The following CMSS1 variants were observed in gnomAD, a reference collection of about 807,000 sequenced individuals.
CMSS1 encodes the protein cms1 ribosomal small subunit homolog, also known as protein CMSS1.
CMSS1 carries 33 observed loss-of-function variants against 43.5 expected under a neutral mutation model. That is an observed-to-expected ratio of 0.76 (90% confidence interval 0.57 to 1.01). The LOEUF (loss-of-function observed/expected upper bound fraction) is 1.01. CMSS1 is among the 50% of genes least tolerant of loss of function. CMSS1 has a pLI of 0.00. For synonymous variants in CMSS1, 115 were observed against 117.2 expected (o/e 0.98, Z 0.12); for missense variants, 313 against 326.4 (o/e 0.96, Z 0.32).
intron 1 of CMSS1, chr3:99,931,165 G>A (rs1482977349): frequency 4.3e-5 from 30 of 689,918 alleles, no homozygotes; most frequent in Non-Finnish European, 6.1e-5. Flanking sequence ...GATGTCTACA[G>A]CAGAGAAGGA....
chr3:99,843,922 G>A (rs1394967637), intron 1 of CMSS1, among the ~76,000 whole-genome samples: 1 of 152,194 alleles, frequency 6.6e-6, no homozygotes, highest in East Asian at 1.9e-4. Context: ...TCTAGGCTGA[G>A]CACTCTTTAT....
intron 1 of CMSS1, among the ~76,000 whole-genome samples, chr3:100,085,686 G>A (rs1037137993): frequency 4.6e-5 from 7 of 152,146 alleles, no homozygotes; most frequent in Admixed American, 4.6e-4. Context: ...AAATGTTTCT[G>A]AAGTACTCTT....
intron 1 of CMSS1, among the ~76,000 whole-genome samples, chr3:99,922,197 G>A (rs1707147509): frequency 6.6e-6 from 1 of 152,260 alleles, no homozygotes; most frequent in South Asian, 2.1e-4. Context: ...ATGAAAGAAA[G>A]TGTCTGTGTT....
At chr3:99,892,880 C>G (rs1200997423) in intron 1 of CMSS1, among the ~76,000 whole-genome samples, 2 of 152,150 alleles carry the variant, frequency 1.3e-5, no homozygotes, top group Admixed American at 6.5e-5. Context: ...ATGGATTATT[C>G]TAAGTTATCT....
chr3:100,166,997 C>T (rs2067071510), intron 5 of CMSS1, among the ~76,000 whole-genome samples: 1 of 152,124 alleles, frequency 6.6e-6, no homozygotes, highest in Non-Finnish European at 1.5e-5. Context: ...ATCCTCCCCA[C>T]TCAGCCTCCC....
intron 1 of CMSS1, among the ~76,000 whole-genome samples, chr3:100,123,033 A>G (rs1465564770): frequency 1.3e-5 from 2 of 152,230 alleles, no homozygotes; most frequent in East Asian, 3.8e-4. Context: ...AGCAGATGGT[A>G]TTGGTCCCTC....
intron 1 of CMSS1, among the ~76,000 whole-genome samples, chr3:99,872,917 CTTTT>C (rs74418095): frequency 4.2e-5 from 6 of 143,544 alleles, no homozygotes; most frequent in African/African-American, 1.5e-4. Context: ...AATCTCAAGT[CTTTT>C]TTTTTTTTTA....
chr3:100,036,405 G>A (rs1282585459), intron 1 of CMSS1, among the ~76,000 whole-genome samples: 1 of 152,184 alleles, frequency 6.6e-6, no homozygotes, highest in Non-Finnish European at 1.5e-5. Context: ...ACCAGAGTTG[G>A]CTTGAAAGGA....
Position 100,162,428 on chromosome 3 carries a change from G to C in CMSS1, c.351G>C (p.Leu117=). Reference sequence around the variant, plus strand: ...TGATTGAATTAGAAGAACTGAACCTGCCAGGTATAGCCAAGCTTCAATTTT... The same window carrying C: ...TGATTGAATTAGAAGAACTGAACCTCCCAGGTATAGCCAAGCTTCAATTTT... ...RLVIELEELN[L]PDSCFLKAND... Residue 117 remains leucine (L), a synonymous_variant, in exon 4 of 10, where the codon CTG becomes CTC. Coordinates refer to ENST00000421999, the MANE Select transcript of CMSS1 (RefSeq NM_032359.4). 6.2e-7 allele frequency: 1 copy of C among 1,607,156 alleles called. No individual in the cohort carries two copies. The highest frequency in any genetic ancestry group is 8.5e-7 in the Non-Finnish European group (1 of 1,177,246).
intron 1 of CMSS1, among the ~76,000 whole-genome samples, chr3:100,084,317 T>C (rs1164745134): frequency 6.6e-6 from 1 of 152,206 alleles, no homozygotes; most frequent in Non-Finnish European, 1.5e-5. Context: ...GAGGGGTTTT[T>C]CATGCTACCC....
chr3:100,165,375 T>C (rs2067057757), intron 4 of CMSS1, among the ~76,000 whole-genome samples: 1 of 152,182 alleles, frequency 6.6e-6, no homozygotes. Context: ...TTTTGAGACA[T>C]TATTCTCATT....
intron 1 of CMSS1, among the ~76,000 whole-genome samples, chr3:99,827,690 C>T (rs1247454309): frequency 3.3e-5 from 5 of 152,066 alleles, no homozygotes; most frequent in South Asian, 2.1e-4. Flanking sequence ...CTGCAACCTC[C>T]GCCTCCCAGG....
At position 100,075,901 on chromosome 3, in the gene CMSS1, G is replaced by A. The variant is rs143764351; in HGVS notation, c.65-71072G>A. Among the ~76,000 whole-genome samples, 849 of 152,230 alleles carry A rather than the reference G, an allele frequency of 5.6e-3. 4 individuals carry two copies. The highest frequency in any genetic ancestry group is 0.02 in the African/African-American group (817 of 41,546). On this transcript the variant is annotated intron_variant, in intron 1 of 9. Coordinates refer to ENST00000421999, the MANE Select transcript of CMSS1 (RefSeq NM_032359.4). ...TAATCCTTCTGGGGTATTAGGATTC[G>A]ATTCAGGAGAGCTGAGTTGGAGCCT...
intron 1 of CMSS1, among the ~76,000 whole-genome samples, chr3:100,094,895 A>T (rs2066177375): frequency 6.6e-6 from 1 of 151,688 alleles, no homozygotes; most frequent in Admixed American, 6.6e-5. Flanking sequence ...TTATCATATT[A>T]GCCAGGATGG....
intron 1 of CMSS1, among the ~76,000 whole-genome samples, chr3:99,853,675 T>C (rs903754501): frequency 6.6e-6 from 1 of 152,232 alleles, no homozygotes; most frequent in East Asian, 1.9e-4. Flanking sequence ...TGTAAATTAG[T>C]TGGCATCCCC....
chr3:99,885,189 C>T (rs1181885792), intron 1 of CMSS1, among the ~76,000 whole-genome samples: 3 of 152,200 alleles, frequency 2.0e-5, no homozygotes, highest in Non-Finnish European at 2.9e-5. Flanking sequence ...CACACAGAAG[C>T]AGCCTTCAGT....
intron 1 of CMSS1, among the ~76,000 whole-genome samples, chr3:100,048,398 G>A (rs1237882381): frequency 6.6e-6 from 1 of 152,146 alleles, no homozygotes. Flanking sequence ...CATTTGCTTG[G>A]GGTGAGTTGG....
At chr3:99,907,907 T>A (rs1355199597) in intron 1 of CMSS1, among the ~76,000 whole-genome samples, 1 of 152,214 alleles carries the variant, frequency 6.6e-6, no homozygotes, top group Admixed American at 6.5e-5. Flanking sequence ...ATATGTGTGA[T>A]CCAGTGCCTG....
intron 1 of CMSS1, among the ~76,000 whole-genome samples, chr3:100,124,582 C>T (rs991966632): frequency 3.3e-5 from 5 of 152,142 alleles, no homozygotes; most frequent in African/African-American, 7.2e-5. Flanking sequence ...AAACCAGTCA[C>T]GGGGTAGGTC....
Sources: gnomAD v4.1 joint callset for allele counts (sites outside exome capture counted in the v4.1 genomes callset) on GRCh38, gnomAD v4.1.1 for gene constraint, MANE v1.5 for transcripts, NCBI Gene and HGNC (gene_info 2026-07-23, HGNC 2026-07-21) for gene names.